The following KNL1 variants were observed in gnomAD, a reference collection of about 807,000 sequenced individuals.
KNL1 encodes the protein kinetochore scaffold 1.
In KNL1, 66 loss-of-function variants were observed where a neutral mutation model predicts 201.3. That is an observed-to-expected ratio of 0.33 (90% CI 0.27 to 0.40). KNL1 has a LOEUF of 0.40. Among genes scored for constraint, KNL1 ranks in the 10% least tolerant of loss-of-function variants. The pLI is 1.00. For missense variants in KNL1, 2,815 were observed against 2,690.5 expected (o/e 1.05, Z -1.02); for synonymous variants, 895 against 899.2 (o/e 1.00, Z 0.08).
rs529527452 is a variant in KNL1 at position 40,658,402 on chromosome 15, G to A, written c.6713+929G>A. ...AAATTAGCCGGGCACGGTGGCAGGT[G>A]CCTGTAATCCCAGCTGCTTGGGAGG... On this transcript the variant is annotated intron_variant, in intron 24 of 25. Coordinates refer to ENST00000399668, the MANE Select transcript of KNL1 (RefSeq NM_144508.5). 2.6e-5 allele frequency among the ~76,000 whole-genome samples: 4 copies of A among 151,390 alleles called. No homozygotes were observed. The East Asian group carries it at 7.8e-4, about 29-fold the overall frequency.
rs571108623 is a variant in KNL1 at position 40,661,980 on chromosome 15, G to T, written c.6837-94G>T. On this transcript the variant is annotated intron_variant, in intron 25 of 25. Coordinates refer to ENST00000399668, the MANE Select transcript of KNL1 (RefSeq NM_144508.5). Reference sequence around the variant, plus strand: ...GGCATGAACCCGGGAGGTGGAGCTTGCAGTGAGCGGATTGCGCCACTGCAC... The same window carrying T: ...GGCATGAACCCGGGAGGTGGAGCTTTCAGTGAGCGGATTGCGCCACTGCAC... The T allele has an allele frequency of 1.9e-5, 13 of 673,962 alleles. No homozygotes were observed. In the African/African-American group the frequency reaches 2.3e-4, roughly 12 times the overall value. 41.7% of individuals were successfully genotyped at this position (673,962 alleles called of 1,614,324 possible). A position where few individuals can be genotyped will look rare whatever the true frequency, so the allele number is the denominator to read the frequency against.
chr15:40,605,614 A>C (rs1595915034), intron 3 of KNL1, among the ~76,000 whole-genome samples: 1 of 152,058 alleles, frequency 6.6e-6, no homozygotes, highest in South Asian at 2.1e-4. Context: ...ACGTGTGGCT[A>C]ATTTTTTTAT....
intron 20 of KNL1, 119 bp downstream of exon 20, chr15:40,651,691 T>C: frequency 1.5e-6 from 1 of 652,532 alleles, no homozygotes; most frequent in Non-Finnish European, 2.6e-6. Context: ...TACAGTGCTG[T>C]TTCAAAAAGA....
At chr15:40,650,616 A>G in intron 19 of KNL1, 33 bp downstream of exon 19, 3 of 1,524,574 alleles carry the variant, frequency 2.0e-6, no homozygotes, top group Non-Finnish European at 2.6e-6. Flanking sequence ...AGAAAATATA[A>G]TGCTAAATCA....
At chr15:40,638,274 A>C (rs1228993745) in intron 13 of KNL1, among the ~76,000 whole-genome samples, 3 of 135,934 alleles carry the variant, frequency 2.2e-5, no homozygotes, top group African/African-American at 8.0e-5. Flanking sequence ...GGGGGAAGGA[A>C]GGGAAGGGAA....
At position 40,624,597 on chromosome 15, in the gene KNL1, T is replaced by A; in HGVS notation, c.4333T>A (p.Phe1445Ile). ...DDIYVIPQPHFSTDQPPLPKK... is the reference protein window; with the variant it reads ...DDIYVIPQPHISTDQPPLPKK... ...CATTTATGTTATTCCTCAGCCTCAT[T>A]TCTCAACCGACCAACCTCCATTACC... Residue 1445 changes from phenylalanine to isoleucine, a missense_variant, in exon 10 of 26, where the codon TTC becomes ATC. Transcript: ENST00000399668. 1 of 1,613,996 alleles carries A rather than the reference T, an allele frequency of 6.2e-7. No homozygotes were observed. Among genetic ancestry groups the A allele is most frequent in the Non-Finnish European group, 8.5e-7 (1 of 1,179,926 alleles).
chr15:40,651,261 C>A (rs1189295682), intron 19 of KNL1, among the ~76,000 whole-genome samples: 1 of 148,970 alleles, frequency 6.7e-6, no homozygotes, highest in Non-Finnish European at 1.5e-5. Context: ...TTATGCCTTT[C>A]CCAGGTAGAC....
At chr15:40,615,773 T>G (rs1892320149) in intron 8 of KNL1, 1 of 151,704 alleles carries the variant, frequency 6.6e-6, no homozygotes, top group Non-Finnish European at 1.5e-5. Context: ...TTTTTTTTTT[T>G]TTTTCTTTTT....
rs1892616790 is a variant in KNL1 at position 40,623,395 on chromosome 15, A to G, written c.3131A>G (p.Asn1044Ser). The G allele has an allele frequency of 2.5e-6, 4 of 1,614,000 alleles. No individual in the cohort carries two copies. The highest frequency in any genetic ancestry group is 3.4e-6 in the Non-Finnish European group (4 of 1,179,940). ...TTGTCTAAATCAGCCACTTGCAAAA[A>G]CATCAAAGATGTACAAAGTCCTGGA... ...MELSKSATCK[N>S]IKDVQSPGFL... The change falls in exon 10 of 26, where the codon AAC (asparagine) becomes AGC (serine). Residue 1044 changes from asparagine (N) to serine (S), a missense_variant. Transcript: ENST00000399668.
chr15:40,628,545 A>G (rs984029961), intron 11 of KNL1, 66 bp from the exon 12 acceptor site: 6 of 1,094,848 alleles, frequency 5.5e-6, no homozygotes, highest in Non-Finnish European at 8.2e-6. Context: ...AATCTGAATG[A>G]TAACCACAAT....
intron 10 of KNL1, among the ~76,000 whole-genome samples, chr15:40,627,256 T>C (rs1307549131): frequency 6.6e-6 from 1 of 152,190 alleles, no homozygotes; most frequent in African/African-American, 2.4e-5. Flanking sequence ...AGCTCATGCC[T>C]ATAATCCCAG....
In KNL1 at chr15:40,621,606, G is replaced by A. The variant is rs1333472058; in HGVS notation, c.1342G>A (p.Glu448Lys). ...EMTKCLSNMR[E>K]EKNLLKHDSN... ...GACCAAATGTCTCTCAAATATGAGA[G>A]AGGAGAAAAATTTGCTAAAGCATGA... Residue 448 changes from glutamate (E) to lysine (K), a missense_variant, in exon 10 of 26, where the codon GAG becomes AAG. Physicochemically the swap from Glu to Lys is moderately conservative, Grantham distance 56. This residue lies in a region of KNL1 where 2,464 missense variants were observed against 2,291.7 expected (regional missense o/e 1.08). Transcript: ENST00000399668. The A allele has an allele frequency of 6.2e-7, 1 of 1,611,164 alleles. No homozygotes were observed. The highest frequency in any genetic ancestry group is 8.5e-7 in the Non-Finnish European group (1 of 1,178,774).
intron 15 of KNL1, 108 bp from the exon 16 acceptor site, chr15:40,645,548 A>C: frequency 1.9e-6 from 1 of 533,154 alleles, no homozygotes; most frequent in Non-Finnish European, 3.3e-6. Flanking sequence ...AAATTTGCAA[A>C]TGACAAATAT....
chr15:40,647,102 A>C, intron 17 of KNL1, 28 bp downstream of exon 17: 1 of 1,134,574 alleles, frequency 8.8e-7, no homozygotes, highest in Non-Finnish European at 1.3e-6. Context: ...CTTTTCCAAA[A>C]GAAAATTTAA....
chr15:40,648,889 G>T (rs1356223734), intron 17 of KNL1, among the ~76,000 whole-genome samples: 13 of 146,916 alleles, frequency 8.8e-5, no homozygotes, highest in Admixed American at 4.1e-4. Flanking sequence ...GGAGTCAATG[G>T]CACAATCTCT....
chr15:40,621,827 A>C lies in KNL1; in HGVS notation c.1563A>C (p.Gln521His). ...APTPEKEMML[Q>H]NLMTTSEDGK... Reference sequence around the variant, plus strand: ...CACCCGAAAAAGAAATGATGCTCCAAAATCTTATGACCACATCAGAAGATG... The same window carrying C: ...CACCCGAAAAAGAAATGATGCTCCACAATCTTATGACCACATCAGAAGATG... The change falls in exon 10 of 26, where the codon CAA (glutamine) becomes CAC (histidine). Residue 521 changes from glutamine to histidine, a missense_variant. Physicochemically the swap from Gln to His is conservative, Grantham distance 24. Coordinates refer to ENST00000399668, the MANE Select transcript of KNL1 (RefSeq NM_144508.5). 1.2e-6 allele frequency: 2 copies of C among 1,613,946 alleles called. No homozygotes were observed. The highest frequency in any genetic ancestry group is 8.5e-7 in the Non-Finnish European group (1 of 1,179,828).
Position 40,650,534 on chromosome 15 carries a change from G to C in KNL1, c.6173-10G>C. On this transcript the variant is annotated splice_polypyrimidine_tract_variant and intron_variant, in intron 18 of 25. Coordinates refer to ENST00000399668, the MANE Select transcript of KNL1 (RefSeq NM_144508.5). The stretch of plus-strand genomic sequence containing the variant: ...TTTGTTCTGTTTTTTTTTTTTTTCT[G>C]TTTCCAAAGAATTGGAACAGCTGAA... The C allele has an allele frequency of 7.2e-7, 1 of 1,382,328 alleles. No individual in the cohort carries two copies. Among genetic ancestry groups the C allele is most frequent in the East Asian group, 2.6e-5 (1 of 39,100 alleles). The allele number at this position is 1,382,328 out of a possible 1,614,324, so 85.6% of individuals were successfully genotyped here. A position where few individuals can be genotyped will look rare whatever the true frequency, so the allele number is the denominator to read the frequency against.
At chr15:40,612,719 A>G (rs1182295773) in intron 7 of KNL1, among the ~76,000 whole-genome samples, 1 of 151,900 alleles carries the variant, frequency 6.6e-6, no homozygotes, top group Non-Finnish European at 1.5e-5. Context: ...GGGTTTCACC[A>G]TGTTGGCCAG....
intron 1 of KNL1, among the ~76,000 whole-genome samples, chr15:40,597,939 A>G (rs527344993): frequency 6.6e-6 from 1 of 152,314 alleles, no homozygotes; most frequent in South Asian, 2.1e-4. Context: ...TGGGAGGCCG[A>G]GGCGGGCAGA....
Sources: gnomAD v4.1 joint callset for allele counts (sites outside exome capture counted in the v4.1 genomes callset) on GRCh38, gnomAD v4.1.1 for gene constraint, gnomAD v4.1.1 regional missense constraint, MANE v1.5 for transcripts, NCBI Gene and HGNC (gene_info 2026-07-23, HGNC 2026-07-21) for gene names.